CDH4: variants seen among roughly 807,000 people sequenced by gnomAD.
CDH4 encodes the protein cadherin 4.
CDH4 carries 33 observed loss-of-function variants against 86.0 expected under a neutral mutation model. The ratio of observed to expected loss-of-function variants is 0.38; its 90% CI spans 0.29 to 0.51. CDH4 has a LOEUF of 0.51. CDH4 is among the 20% of genes least tolerant of loss of function. The pLI, the probability that CDH4 is intolerant of heterozygous loss-of-function variation, is 0.86. For synonymous variants in CDH4, 555 were observed against 549.4 expected (o/e 1.01, Z -0.14); for missense variants, 1,114 against 1,307.4 (o/e 0.85, Z 2.28).
intron 2 of CDH4, among the ~76,000 whole-genome samples, chr20:61,551,953 T>C (rs1400016827): frequency 3.3e-5 from 5 of 152,224 alleles, no homozygotes; most frequent in African/African-American, 1.2e-4. Flanking sequence ...ATTGGACCCC[T>C]ACCTCACACC....
chr20:61,540,041 G>T (rs1439982395), intron 2 of CDH4, among the ~76,000 whole-genome samples: 1 of 152,166 alleles, frequency 6.6e-6, no homozygotes, highest in Non-Finnish European at 1.5e-5. Flanking sequence ...CGATCCGATT[G>T]GTTGGTGGTC....
chr20:61,347,708 G>T (rs1002455907), intron 2 of CDH4, among the ~76,000 whole-genome samples: 158 of 152,178 alleles, frequency 1.0e-3, no homozygotes, highest in African/African-American at 3.7e-3. Flanking sequence ...ATAAGCTGGC[G>T]GGGGCTGGTG....
chr20:61,425,062 C>T (rs1240721212), intron 2 of CDH4, among the ~76,000 whole-genome samples: 1 of 152,238 alleles, frequency 6.6e-6, no homozygotes, highest in Non-Finnish European at 1.5e-5. Flanking sequence ...CTGTGCCAGG[C>T]ATAGGTGGAC....
intron 2 of CDH4, among the ~76,000 whole-genome samples, chr20:61,469,607 G>A (rs2085491256): frequency 6.6e-6 from 1 of 152,106 alleles, no homozygotes; most frequent in Non-Finnish European, 1.5e-5. Flanking sequence ...GCCTGTGCTT[G>A]TGGGTGTTAT....
At chr20:61,397,018 C>T (rs1472674797) in intron 2 of CDH4, among the ~76,000 whole-genome samples, 3 of 152,206 alleles carry the variant, frequency 2.0e-5, no homozygotes, top group African/African-American at 7.2e-5. Context: ...CCAAGCAATT[C>T]TCCCACCTCA....
chr20:61,547,657 C>A (rs781107961), intron 2 of CDH4, among the ~76,000 whole-genome samples: 2 of 152,132 alleles, frequency 1.3e-5, no homozygotes, highest in Non-Finnish European at 2.9e-5. Context: ...AATGATGACA[C>A]AAGGAACCTT....
At chr20:61,801,208 G>T (rs567858529) in intron 4 of CDH4, among the ~76,000 whole-genome samples, 211 of 152,312 alleles carry the variant, frequency 1.4e-3, no homozygotes, top group African/African-American at 4.8e-3. Context: ...AGTGTCTGCA[G>T]GCTGCAGCGG....
At chr20:61,261,592 AG>A (rs2084127820) in intron 2 of CDH4, among the ~76,000 whole-genome samples, 1 of 152,172 alleles carries the variant, frequency 6.6e-6, no homozygotes, top group Non-Finnish European at 1.5e-5. Flanking sequence ...GATTGGCCTA[AG>A]GGTAGGAGAT....
intron 2 of CDH4, among the ~76,000 whole-genome samples, chr20:61,472,237 C>T (rs909371781): frequency 6.6e-6 from 1 of 152,116 alleles, no homozygotes; most frequent in African/African-American, 2.4e-5. Flanking sequence ...CTGAATTGAC[C>T]GCTTTATCAC....
At chr20:61,310,417 G>C (rs992350845) in intron 2 of CDH4, among the ~76,000 whole-genome samples, 1 of 152,174 alleles carries the variant, frequency 6.6e-6, no homozygotes, top group Non-Finnish European at 1.5e-5. Context: ...GTGTCTGGTT[G>C]AAACTGTTCC....
chr20:61,278,107 A>G (rs1212451407), intron 2 of CDH4, among the ~76,000 whole-genome samples: 1 of 152,216 alleles, frequency 6.6e-6, no homozygotes, highest in Non-Finnish European at 1.5e-5. Context: ...TCTTGGGGTC[A>G]GGGGGCCAAG....
intron 2 of CDH4, among the ~76,000 whole-genome samples, chr20:61,617,144 C>T (rs2086731662): frequency 6.6e-6 from 1 of 152,220 alleles, no homozygotes; most frequent in African/African-American, 2.4e-5. Flanking sequence ...ACCGCACCCA[C>T]CACCGCCCTC....
chr20:61,733,246 G>T (rs1190917171), intron 2 of CDH4, among the ~76,000 whole-genome samples: 2 of 152,138 alleles, frequency 1.3e-5, no homozygotes, highest in African/African-American at 2.4e-5. Flanking sequence ...CACAGAGCAA[G>T]TTCCGGGCAG....
chr20:61,432,366 A>G (rs1032950524), intron 2 of CDH4, among the ~76,000 whole-genome samples: 2 of 152,066 alleles, frequency 1.3e-5, no homozygotes, highest in African/African-American at 4.8e-5. Context: ...CTGTAGTTTA[A>G]TTTTCACTTC....
chr20:61,688,687 G>A (rs1238440139), intron 2 of CDH4, among the ~76,000 whole-genome samples: 1 of 152,226 alleles, frequency 6.6e-6, no homozygotes, highest in African/African-American at 2.4e-5. Context: ...CGCCTCTCCC[G>A]CTCAGAGAGC....
chr20:61,569,683 AT>A (rs1373863084), intron 2 of CDH4, among the ~76,000 whole-genome samples: 3 of 151,340 alleles, frequency 2.0e-5, no homozygotes, highest in Non-Finnish European at 2.9e-5. Flanking sequence ...TGCCCCCCAA[AT>A]TTTTTTTTGA....
chr20:61,891,510 G>A (rs1984817849), intron 7 of CDH4, among the ~76,000 whole-genome samples: 2 of 152,238 alleles, frequency 1.3e-5, no homozygotes, highest in African/African-American at 2.4e-5. Flanking sequence ...CAGGGACCAC[G>A]CAGGCATGGG....
chr20:61,715,284 T>C lies in CDH4; in HGVS notation c.170-28279T>C, dbSNP rs548958458. Among the ~76,000 whole-genome samples the C allele has an allele frequency of 3.3e-5, 5 of 152,368 alleles. No homozygotes were observed. In the South Asian group the frequency reaches 1.0e-3, roughly 32 times the overall value. ...CTTTTTTTCTTGCTGATTTGAGTTC[T>C]TTGTAAATTCTGCATATGAGTCCTT... On this transcript the variant is annotated intron_variant, in intron 2 of 15. Transcript: ENST00000614565.
chr20:61,383,555 GA>G (rs2084926979), intron 2 of CDH4, among the ~76,000 whole-genome samples: 1 of 61,718 alleles, frequency 1.6e-5, no homozygotes, highest in African/African-American at 1.5e-4. Flanking sequence ...GAATATATAT[GA>G]TATATGATAT....
Sources: gnomAD v4.1 joint callset for allele counts (sites outside exome capture counted in the v4.1 genomes callset) on GRCh38, gnomAD v4.1.1 for gene constraint, MANE v1.5 for transcripts, NCBI Gene and HGNC (gene_info 2026-07-23, HGNC 2026-07-21) for gene names.